Variants in VPS53 observed in about 807,000 individuals in gnomAD.
VPS53 encodes the protein vacuolar protein sorting-associated protein 53 homolog.
In VPS53, 70 loss-of-function variants were observed where a neutral mutation model predicts 107.0. The ratio of observed to expected loss-of-function variants is 0.65; its 90% confidence interval spans 0.54 to 0.80. The LOEUF is 0.80. Among genes scored for constraint, VPS53 ranks in the 30% least tolerant of loss-of-function variants. The pLI, the probability that VPS53 is intolerant of heterozygous loss-of-function variation, is 0.00. For synonymous variants in VPS53, 409 were observed against 393.3 expected (o/e 1.04, Z -0.47); for missense variants, 917 against 1,049.4 (o/e 0.87, Z 1.74).
chr17:565,407 A>G (rs1463511294), intron 13 of VPS53, among the ~76,000 whole-genome samples: 13 of 75,232 alleles, frequency 1.7e-4, no homozygotes, highest in African/African-American at 3.3e-4. Flanking sequence ...CCATCTCAAA[A>G]AAAAAAAAAA....
At chr17:532,983 T>A in intron 18 of VPS53, 72 bp from the exon 19 acceptor site, 1 of 1,537,942 alleles carries the variant, frequency 6.5e-7, no homozygotes, top group Non-Finnish European at 8.8e-7. Flanking sequence ...ACTTTAAGGT[T>A]CCACGTATCT....
intron 7 of VPS53, among the ~76,000 whole-genome samples, chr17:645,047 G>A (rs1236474809): frequency 6.6e-6 from 1 of 152,126 alleles, no homozygotes; most frequent in Non-Finnish European, 1.5e-5. Context: ...ATAGAATGTT[G>A]GACTTTCTAT....
At position 532,614 on chromosome 17, in the gene VPS53, G is replaced by T. The variant is rs1597253543; in HGVS notation, c.2085+228C>A. The T allele has an allele frequency of 2.8e-5, 31 of 1,121,154 alleles. No homozygotes were observed. The East Asian group carries it at 8.9e-4, about 32-fold the overall frequency. 69.5% of individuals were successfully genotyped at this position (1,121,154 alleles called of 1,614,324 possible). A position where few individuals can be genotyped will look rare whatever the true frequency, so the allele number is the denominator to read the frequency against. ...CTAGGAGCAGGGACCTTTCCATGGT[G>T]CTTGCTGTGTTATACCCTGCACCCA... On this transcript the variant is annotated intron_variant, in intron 19 of 21. Transcript: ENST00000437048.
chr17:599,991 T>G (rs555692374), intron 12 of VPS53: 1 of 152,404 alleles, frequency 6.6e-6, no homozygotes, highest in South Asian at 2.1e-4. Context: ...GAGTCCAGCA[T>G]TTTCCCAGCA....
chr17:564,720 A>G (rs1014968022), intron 13 of VPS53, among the ~76,000 whole-genome samples: 3 of 105,932 alleles, frequency 2.8e-5, no homozygotes, highest in African/African-American at 9.2e-5. Context: ...TGATATCTGG[A>G]AAAAAAAAAC....
At chr17:632,597 T>A in intron 7 of VPS53, 1 of 392,218 alleles carries the variant, frequency 2.5e-6, no homozygotes, top group Non-Finnish European at 5.1e-6. Context: ...TTCTACCAAA[T>A]ACTAGATCGT....
Position 551,950 on chromosome 17 carries a change from G to A in VPS53, c.1788C>T (p.Thr596=), listed in dbSNP as rs773885170. The change falls in exon 17 of 22, where the codon ACC becomes ACT. Residue 596 remains threonine, a splice_region_variant and synonymous_variant. Transcript: ENST00000437048. The stretch of plus-strand genomic sequence containing the variant: ...GCAGCTGAATACTGCTGGAGATGAC[G>A]CTGCAAATCAAACAAATCACTGTGG... ...NLTGEMDTFS[T]VISSSIQLLV... 17 of 1,589,788 alleles carry A rather than the reference G, an allele frequency of 1.1e-5. No individual in the cohort carries two copies. Among genetic ancestry groups the A allele is most frequent in the South Asian group, 6.9e-5 (6 of 87,320 alleles).
chr17:594,461 C>T (rs1967848374), intron 12 of VPS53, among the ~76,000 whole-genome samples: 1 of 149,404 alleles, frequency 6.7e-6, no homozygotes. Flanking sequence ...TCTAGTGCCC[C>T]CCCTGGAGGA....
chr17:642,377 C>G (rs554777673), intron 7 of VPS53, among the ~76,000 whole-genome samples: 1 of 149,686 alleles, frequency 6.7e-6, no homozygotes, highest in Non-Finnish European at 1.5e-5. Flanking sequence ...ACTTGGAAAG[C>G]GAGGAAAACA....
chr17:577,367 G>A (rs953953104), intron 13 of VPS53, among the ~76,000 whole-genome samples: 4 of 149,558 alleles, frequency 2.7e-5, no homozygotes, highest in South Asian at 2.1e-4. Flanking sequence ...ACCTCAATGC[G>A]TTCCCAGAGA....
At chr17:553,227 G>A (rs891431929) in intron 16 of VPS53, 153 bp downstream of exon 16, 9 of 553,282 alleles carry the variant, frequency 1.6e-5, no homozygotes, top group South Asian at 1.1e-4. Flanking sequence ...CAGGCAGTGA[G>A]CAAGCGTGTA....
intron 1 of VPS53, 59 bp downstream of exon 1, chr17:714,564 G>A (rs1205046873): frequency 4.0e-6 from 6 of 1,504,294 alleles, no homozygotes; most frequent in Admixed American, 2.0e-5. Flanking sequence ...CCCAGCGCCC[G>A]GAGCTGCCGT....
At chr17:644,362 C>T (rs868108114) in intron 7 of VPS53, among the ~76,000 whole-genome samples, 6 of 152,312 alleles carry the variant, frequency 3.9e-5, no homozygotes, top group Middle Eastern at 3.4e-3. Context: ...GGTGGTAACC[C>T]GCCTGCCATC....
At chr17:707,666 T>C (rs954167425) in intron 2 of VPS53, among the ~76,000 whole-genome samples, 2 of 151,998 alleles carry the variant, frequency 1.3e-5, no homozygotes, top group African/African-American at 4.8e-5. Context: ...CTGGGCTTCG[T>C]AGTGAGATCT....
chr17:596,028 C>T (rs966815562), intron 12 of VPS53, among the ~76,000 whole-genome samples: 7 of 151,996 alleles, frequency 4.6e-5, no homozygotes, highest in African/African-American at 1.7e-4. Flanking sequence ...TGATGATGGA[C>T]TCTACTATGT....
chr17:516,179 G>A lies in VPS53; in HGVS notation c.*2949C>T, dbSNP rs954426089. 4.0e-5 allele frequency: 6 copies of A among 151,862 alleles called. No homozygotes were observed. Among genetic ancestry groups the A allele is most frequent in the Admixed American group, 2.0e-4 (3 of 15,228 alleles). The allele number at this position is 151,862 out of a possible 1,614,324, so 9.4% of individuals were successfully genotyped here. ...TTGGCACCAGCTCAAGTGTAGTGTC[G>A]GCGCACTTTTAGCTTAGAGTCAGAA... On this transcript the variant is annotated 3_prime_UTR_variant, in exon 22 of 22. Transcript: ENST00000437048.
At chr17:661,660 C>T (rs1321925071) in intron 5 of VPS53, 149 bp downstream of exon 5, 16 of 676,870 alleles carry the variant, frequency 2.4e-5, no homozygotes, top group Non-Finnish European at 3.0e-5. Context: ...TTGATCTGAA[C>T]GCATTCATAG....
rs762793594 is a variant in VPS53 at position 524,737 on chromosome 17, C to T, written c.2086-2999G>A. 3.9e-5 allele frequency among the ~76,000 whole-genome samples: 6 copies of T among 152,270 alleles called. No homozygotes were observed. Among genetic ancestry groups the T allele is most frequent in the Middle Eastern group, 3.4e-3 (1 of 294 alleles). ...ATTATTTGATAATCAAGTGTGGGCACGGCCATGGCACTGAAATTCACAAAT... is the reference window on the plus strand; with the variant it reads ...ATTATTTGATAATCAAGTGTGGGCATGGCCATGGCACTGAAATTCACAAAT... On this transcript the variant is annotated intron_variant, in intron 19 of 21. Transcript: ENST00000437048. This position sits in a 1 kb window ranked among gnomAD's most constrained non-coding sequence, Gnocchi z 4.5.
At chr17:628,065 G>C (rs1969792587) in intron 9 of VPS53, 23 bp downstream of exon 9, 1 of 1,598,706 alleles carries the variant, frequency 6.3e-7, no homozygotes, top group South Asian at 1.1e-5. Context: ...TGTTACATCT[G>C]ATCTTATTTG....
Sources: allele counts gnomAD v4.1 joint callset (sites outside exome capture counted in the v4.1 genomes callset), GRCh38; gene constraint gnomAD v4.1.1; non-coding constraint Gnocchi (gnomAD v3.1); transcripts MANE v1.5; gene names NCBI Gene and HGNC (gene_info 2026-07-23, HGNC 2026-07-21).